Variants in GPSM1 observed in about 807,000 individuals in gnomAD.
GPSM1 encodes the protein G protein-signaling modulator 1.
A neutral mutation model predicts 70.5 loss-of-function variants in GPSM1; 48 were observed. That is an observed-to-expected ratio of 0.68 (90% CI 0.54 to 0.87). The LOEUF is 0.87. Ranked by LOEUF, GPSM1 falls within the 40% of genes least tolerant of loss-of-function variation. The pLI is 0.00. For synonymous variants in GPSM1, 416 were observed against 430.1 expected (o/e 0.97, Z 0.41); for missense variants, 981 against 972.6 (o/e 1.01, Z -0.11).
Position 136,349,770 on chromosome 9 carries a change from G to C in GPSM1, c.1455+7G>C. On this transcript the variant is annotated splice_region_variant and intron_variant, in intron 11 of 13. Transcript: ENST00000440944. ...GGTGCACGTGCCACGCACGGTAGGC[G>C]TCTTTGACGGCAGATCCAGGCCGAG... The C allele has an allele frequency of 6.4e-7, 1 of 1,564,924 alleles. No individual in the cohort carries two copies.
At chr9:136,327,855 C>T in intron 1 of GPSM1, 92 bp downstream of exon 1, 3 of 416,412 alleles carry the variant, frequency 7.2e-6, no homozygotes, top group Non-Finnish European at 1.1e-5. Flanking sequence ...GGAACAAAGG[C>T]AGCTCTCGCG....
chr9:136,339,327 T>G (rs1409287743), intron 7 of GPSM1, among the ~76,000 whole-genome samples: 3 of 152,162 alleles, frequency 2.0e-5, no homozygotes, highest in Non-Finnish European at 4.4e-5. Context: ...CCCAGTGACT[T>G]GGAGGGTGCC....
At position 136,357,969 on chromosome 9, in the gene GPSM1, T is replaced by C. The variant is rs200757832; in HGVS notation, c.1822-45T>C. On this transcript the variant is annotated intron_variant, in intron 13 of 13. Coordinates refer to ENST00000440944, the MANE Select transcript of GPSM1 (RefSeq NM_001145638.3). The stretch of plus-strand genomic sequence containing the variant: ...CCGCTGCTGACCAGCCCCGGACCAC[T>C]GGGGCTGGGGGGGTGAGGCCGCCAA... The C allele has an allele frequency of 4.8e-4, 721 of 1,497,752 alleles. 2 individuals carry two copies. The African/African-American group carries it at 9.4e-3, about 20-fold the overall frequency. The allele number at this position is 1,497,752 out of a possible 1,614,324, so 92.8% of individuals were successfully genotyped here.
intron 9 of GPSM1, among the ~76,000 whole-genome samples, chr9:136,345,703 CG>C (rs1456433398): frequency 1.3e-5 from 2 of 152,188 alleles, no homozygotes; most frequent in East Asian, 1.9e-4. Flanking sequence ...CAGTGCACAC[CG>C]GGAGACGGAG....
intron 3 of GPSM1, 76 bp from the exon 4 acceptor site, chr9:136,336,845 G>C: frequency 7.1e-7 from 1 of 1,400,738 alleles, no homozygotes; most frequent in South Asian, 1.4e-5. Context: ...GGACAGTGAG[G>C]ACACCGGTGT....
intron 11 of GPSM1, among the ~76,000 whole-genome samples, chr9:136,350,291 A>T (rs1832628779): frequency 6.6e-6 from 1 of 152,188 alleles, no homozygotes; most frequent in African/African-American, 2.4e-5. Context: ...CTGGCCAGTG[A>T]GGTCAAGCCT....
At position 136,342,827 on chromosome 9, in the gene GPSM1, A is replaced by T. The variant is rs1439168570; in HGVS notation, c.1207+1834A>T. Among the ~76,000 whole-genome samples, 7 of 151,916 alleles carry T rather than the reference A, an allele frequency of 4.6e-5. No individual in the cohort carries two copies. Among genetic ancestry groups the T allele is most frequent in the Admixed American group, 1.3e-4 (2 of 15,272 alleles). ...CGGAGGGGGCGCCAGGGCTGGGGGC[A>T]CAGGAGGGCGCTGCCCAGCGGGGTG... On this transcript the variant is annotated intron_variant, in intron 9 of 13. Transcript: ENST00000440944. This position sits in a 1 kb window ranked among gnomAD's most constrained non-coding sequence, Gnocchi z 5.5.
Position 136,349,651 on chromosome 9 carries a change from TC to T in GPSM1, c.1347del (p.Val450Ter). On this transcript the variant is annotated frameshift_variant, in exon 11 of 14. Transcript: ENST00000440944. LOFTEE classifies it high-confidence loss of function. ...GGGCCCAGCAGGGACTCGCTACCCC[TC>T]CCCGTGAGGAGCAGGAAGTACCAGG... ...WRGPSRDSLP[L>X]PVRSRKYQEG... The T allele has an allele frequency of 6.5e-7, 1 of 1,549,976 alleles. No homozygotes were observed. Among genetic ancestry groups the T allele is most frequent in the Non-Finnish European group, 8.7e-7 (1 of 1,146,836 alleles).
rs1437315713 is a variant in GPSM1 at position 136,341,909 on chromosome 9, C to T, written c.1207+916C>T. The stretch of plus-strand genomic sequence containing the variant: ...CAAGCGATCCTCCCATCTCGGCTTC[C>T]AGAAGTGCTGGGATTATAGGCGTGA... On this transcript the variant is annotated intron_variant, in intron 9 of 13. Transcript: ENST00000440944. This position sits in a 1 kb window ranked among gnomAD's most constrained non-coding sequence, Gnocchi z 6.7. The T allele has an allele frequency of 2.1e-6, 1 of 477,326 alleles. No individual in the cohort carries two copies. The highest frequency in any genetic ancestry group is 2.7e-6 in the Non-Finnish European group (1 of 365,520). The allele number at this position is 477,326 out of a possible 1,614,324, so 29.6% of individuals were successfully genotyped here. A position where few individuals can be genotyped will look rare whatever the true frequency, so the allele number is the denominator to read the frequency against.
intron 10 of GPSM1, 66 bp downstream of exon 10, chr9:136,348,833 G>A: frequency 3.2e-6 from 4 of 1,253,296 alleles, no homozygotes; most frequent in Non-Finnish European, 4.6e-6. Context: ...CGGGGTTAAT[G>A]AGGCAGAGCC....
intron 1 of GPSM1, 85 bp downstream of exon 1, chr9:136,327,848 A>T: frequency 4.6e-6 from 2 of 432,318 alleles, no homozygotes; most frequent in Non-Finnish European, 6.9e-6. Context: ...GCAGTTGGGA[A>T]CAAAGGCAGC....
chr9:136,338,038 C>A, intron 6 of GPSM1, 77 bp downstream of exon 6: 4 of 947,048 alleles, frequency 4.2e-6, no homozygotes, highest in South Asian at 1.6e-5. Context: ...GTGCCCGCCC[C>A]AAGCTGGGAA....
intron 1 of GPSM1, among the ~76,000 whole-genome samples, chr9:136,330,153 G>A (rs1320776853): frequency 6.6e-6 from 1 of 152,144 alleles, no homozygotes; most frequent in Admixed American, 6.5e-5. Context: ...GAAACCCTGG[G>A]TGGTCGTCTC....
In GPSM1 at chr9:136,348,765, C is replaced by T. The variant is rs375017996; in HGVS notation, c.1276C>T (p.Arg426Trp). The T allele has an allele frequency of 1.4e-5, 22 of 1,609,736 alleles. No individual in the cohort carries two copies. The African/African-American group carries it at 2.4e-4, about 18-fold the overall frequency. Residue 426 changes from arginine (R) to tryptophan (W), a missense_variant and splice_region_variant, in exon 10 of 14, where the codon CGG (arginine) becomes TGG (tryptophan). Arg to Trp is a moderately radical substitution (Grantham distance 101). Coordinates refer to ENST00000440944, the MANE Select transcript of GPSM1 (RefSeq NM_001145638.3). ...GGACCTGCTGAGACTCCCCCTGGAG[C>T]GGGTGAGCCAGGGACACGGGACCGA... is the stretch of plus-strand genomic sequence containing the variant. The part of the protein sequence containing the change: ...TWDLLRLPLE[R>W]EQNGDSHHSG...
intron 13 of GPSM1, 110 bp from the exon 14 acceptor site, chr9:136,357,904 G>A (rs190345292): frequency 3.8e-6 from 3 of 795,058 alleles, no homozygotes; most frequent in African/African-American, 3.6e-5. Flanking sequence ...GGGTGGACAG[G>A]GGGAAGCCCG....
At chr9:136,353,108 A>G in intron 11 of GPSM1, 2 of 985,432 alleles carry the variant, frequency 2.0e-6, no homozygotes, top group African/African-American at 1.7e-5. Flanking sequence ...TGTGTGGCCA[A>G]GCACCCAGCG....
Position 136,340,167 on chromosome 9 carries a change from C to T in GPSM1, c.1083+352C>T, listed in dbSNP as rs1554769952. On this transcript the variant is annotated intron_variant, in intron 8 of 13. Transcript: ENST00000440944. The surrounding 1 kb of genome is among the most constrained non-coding windows in gnomAD (Gnocchi z 7.3). ...GGCTCCCGGCCTGTCCTTACATCACCCACTCCCACGCCACCTCCCTCTGCA... is the reference window on the plus strand; with the variant it reads ...GGCTCCCGGCCTGTCCTTACATCACTCACTCCCACGCCACCTCCCTCTGCA... 6.6e-6 allele frequency among the ~76,000 whole-genome samples: 1 copy of T among 151,950 alleles called. No homozygotes were observed. The highest frequency in any genetic ancestry group is 2.4e-5 in the African/African-American group (1 of 41,350).
intron 11 of GPSM1, chr9:136,354,810 G>A (rs1464490984): frequency 1.1e-5 from 11 of 991,050 alleles, no homozygotes; most frequent in Non-Finnish European, 1.3e-5. Flanking sequence ...GGTGAGGGCT[G>A]TGTAGGGCAT....
In GPSM1 at chr9:136,342,440, C is replaced by T. The variant is rs1379200085; in HGVS notation, c.1207+1447C>T. Among the ~76,000 whole-genome samples, 3 of 152,202 alleles carry T rather than the reference C, an allele frequency of 2.0e-5. No homozygotes were observed. Among genetic ancestry groups the T allele is most frequent in the Non-Finnish European group, 4.4e-5 (3 of 68,016 alleles). On this transcript the variant is annotated intron_variant, in intron 9 of 13. Transcript: ENST00000440944. The surrounding 1 kb of genome is among the most constrained non-coding windows in gnomAD (Gnocchi z 5.5). ...CAGCTTCTGTCCCTCTCTGGCTCCT[C>T]TGTGCCGCCCCGAGTGCGGGACCCC...
Sources: gnomAD v4.1 joint callset for allele counts (sites outside exome capture counted in the v4.1 genomes callset) on GRCh38, gnomAD v4.1.1 for gene constraint, Gnocchi (gnomAD v3.1) non-coding constraint, MANE v1.5 for transcripts, NCBI Gene and HGNC (gene_info 2026-07-23, HGNC 2026-07-21) for gene names.